The following SLC37A1 variants were observed in gnomAD, a reference collection of about 807,000 sequenced individuals.
SLC37A1 encodes glucose-6-phosphate exchanger SLC37A1.
SLC37A1 carries 49 observed loss-of-function variants against 75.3 expected under a neutral mutation model. The observed-to-expected ratio is 0.65, with a 90% CI of 0.52 to 0.83. SLC37A1 has a LOEUF of 0.83. Ranked by LOEUF, SLC37A1 falls within the 40% of genes least tolerant of loss-of-function variation. The pLI is 0.00. For synonymous variants in SLC37A1, 268 were observed against 292.1 expected (o/e 0.92, Z 0.84); for missense variants, 566 against 695.0 (o/e 0.81, Z 2.09).
At chr21:42,510,882 G>A (rs571127773), upstream of SLC37A1, among the ~76,000 whole-genome samples, 46 of 152,204 alleles carry the variant, frequency 3.0e-4, no homozygotes, top group African/African-American at 1.0e-3. Context: ...GAGAGAAATA[G>A]CAATACAGTA....
intron 14 of SLC37A1, among the ~76,000 whole-genome samples, chr21:42,565,507 C>A (rs884983): frequency 0.59 from 89,862 of 152,148 alleles, 29,426 homozygotes; most frequent in Admixed American, 0.74. Flanking sequence ...CAGTCAGACT[C>A]GCAAATCAGG....
intron 8 of SLC37A1, among the ~76,000 whole-genome samples, chr21:42,546,023 C>A (rs2055399436): frequency 6.6e-6 from 1 of 152,222 alleles, no homozygotes; most frequent in Non-Finnish European, 1.5e-5. Context: ...TATGATGTCA[C>A]CCTGTGTTGT....
intron 2 of SLC37A1, among the ~76,000 whole-genome samples, chr21:42,520,655 G>A (rs534854554): frequency 6.6e-6 from 1 of 152,166 alleles, no homozygotes. Context: ...GCGTGTGTGT[G>A]GGTGTGTGTG....
At chr21:42,501,047 C>T (rs953042379) in intron 1 of SLC37A1, among the ~76,000 whole-genome samples, 9 of 152,190 alleles carry the variant, frequency 5.9e-5, no homozygotes, top group East Asian at 3.8e-4. Context: ...AGTGTGGAGA[C>T]GAGATGTCAG....
chr21:42,526,119 ATTTAT>A (rs982656463), intron 3 of SLC37A1: 1 of 387,966 alleles, frequency 2.6e-6, no homozygotes, highest in African/African-American at 2.0e-5. Context: ...TTAGCTAAAT[ATTTAT>A]TTTATCTTGT....
chr21:42,530,813 T>C (rs1379943733), intron 3 of SLC37A1, among the ~76,000 whole-genome samples: 1 of 152,042 alleles, frequency 6.6e-6, no homozygotes, highest in Non-Finnish European at 1.5e-5. Flanking sequence ...ATCTCCTCTA[T>C]TGGAGGCCAC....
In SLC37A1 at chr21:42,564,586, A is replaced by G. The variant is rs377333898; in HGVS notation, c.1136-122A>G. 72 of 737,250 alleles carry G rather than the reference A, an allele frequency of 9.8e-5. 1 individual carries two copies. Among genetic ancestry groups the G allele is most frequent in the Admixed American group, 9.4e-4 (45 of 47,736 alleles). 45.7% of individuals were successfully genotyped at this position (737,250 alleles called of 1,614,324 possible). A position where few individuals can be genotyped will look rare whatever the true frequency, so the allele number is the denominator to read the frequency against. The stretch of plus-strand genomic sequence containing the variant: ...GCTGTGAGAAGGCTGCCTGCCCGTG[A>G]TGCATGGAGAGAGGGGCTTGGGAAA... On this transcript the variant is annotated intron_variant, in intron 13 of 19. Coordinates refer to ENST00000352133, the MANE Select transcript of SLC37A1 (RefSeq NM_001320537.2).
chr21:42,533,828 G>A (rs2055060881), intron 3 of SLC37A1, among the ~76,000 whole-genome samples: 1 of 152,176 alleles, frequency 6.6e-6, no homozygotes, highest in Non-Finnish European at 1.5e-5. Context: ...TGCTCACACA[G>A]CCAGTCACCA....
intron 12 of SLC37A1, among the ~76,000 whole-genome samples, chr21:42,562,622 C>T (rs1009780345): frequency 7.9e-5 from 12 of 152,184 alleles, no homozygotes; most frequent in East Asian, 1.9e-4. Flanking sequence ...TCAGAAGCCC[C>T]GCAGTGGCTG....
At position 42,545,563 on chromosome 21, in the gene SLC37A1, C is replaced by T. The variant is rs1444079305; in HGVS notation, c.731-1540C>T. 2.0e-5 allele frequency among the ~76,000 whole-genome samples: 3 copies of T among 152,236 alleles called. No individual in the cohort carries two copies. Among genetic ancestry groups the T allele is most frequent in the African/African-American group, 4.8e-5 (2 of 41,468 alleles). Reference sequence around the variant, plus strand: ...CCCAAAGGACAGGGCGTCCCCTGCTCCTTTCTCAGGCCTCTCTGAGTCTCC... The same window carrying T: ...CCCAAAGGACAGGGCGTCCCCTGCTTCTTTCTCAGGCCTCTCTGAGTCTCC... On this transcript the variant is annotated intron_variant, in intron 8 of 19. Transcript: ENST00000352133. The surrounding 1 kb of genome is among the most constrained non-coding windows in gnomAD (Gnocchi z 4.0).
intron 1 of SLC37A1, among the ~76,000 whole-genome samples, chr21:42,500,246 T>G (rs577938098): frequency 2.6e-5 from 4 of 152,362 alleles, no homozygotes; most frequent in African/African-American, 9.6e-5. Context: ...TTCATATATA[T>G]GCATATTTAT....
At chr21:42,539,969 A>G (rs924998541) in intron 6 of SLC37A1, among the ~76,000 whole-genome samples, 8 of 152,186 alleles carry the variant, frequency 5.3e-5, no homozygotes, top group African/African-American at 1.9e-4. Flanking sequence ...TTATCTTGCG[A>G]AAGATTTGAC....
intron 5 of SLC37A1, among the ~76,000 whole-genome samples, chr21:42,536,792 G>A (rs543129647): frequency 3.3e-5 from 5 of 152,252 alleles, no homozygotes; most frequent in African/African-American, 4.8e-5. Context: ...CTGAGAGCGC[G>A]GCCACTCACT....
chr21:42,504,962 C>G (rs182960601), intron 2 of SLC37A1, among the ~76,000 whole-genome samples: 43 of 152,298 alleles, frequency 2.8e-4, no homozygotes, highest in Non-Finnish European at 5.6e-4. Flanking sequence ...GGAGAGTCTT[C>G]CTTCCAAATT....
intron 8 of SLC37A1, among the ~76,000 whole-genome samples, chr21:42,543,894 A>G (rs2055345714): frequency 6.6e-6 from 1 of 152,194 alleles, no homozygotes; most frequent in East Asian, 1.9e-4. Context: ...GGAGTCTTCC[A>G]TCTTCCCACA....
intron 9 of SLC37A1, among the ~76,000 whole-genome samples, chr21:42,549,198 A>T (rs775751539): frequency 3.3e-5 from 5 of 152,112 alleles, no homozygotes; most frequent in Admixed American, 1.3e-4. Flanking sequence ...GCCCTGGAAC[A>T]CCTTCTGTCC....
chr21:42,527,356 C>T (rs900288601), intron 3 of SLC37A1, among the ~76,000 whole-genome samples: 3 of 152,166 alleles, frequency 2.0e-5, no homozygotes, highest in African/African-American at 4.8e-5. Context: ...AGCCCTGTCC[C>T]GGTCCCTCTC....
intron 11 of SLC37A1, chr21:42,561,867 C>T: frequency 1.9e-6 from 1 of 515,388 alleles, no homozygotes; most frequent in Non-Finnish European, 3.5e-6. Context: ...CCCTGGTGCC[C>T]CTGCTCGGGG....
chr21:42,563,448 C>T (rs1055038468), intron 12 of SLC37A1, among the ~76,000 whole-genome samples: 1 of 152,148 alleles, frequency 6.6e-6, no homozygotes, highest in African/African-American at 2.4e-5. Flanking sequence ...GCCGGGAGGC[C>T]TCTGTGTCCT....
Sources: allele counts gnomAD v4.1 joint callset (sites outside exome capture counted in the v4.1 genomes callset), GRCh38; gene constraint gnomAD v4.1.1; non-coding constraint Gnocchi (gnomAD v3.1); transcripts MANE v1.5; gene names NCBI Gene and HGNC (gene_info 2026-07-23, HGNC 2026-07-21).